ST3GAL3: variants seen among roughly 807,000 people sequenced by gnomAD.
ST3GAL3 encodes the protein ST3 beta-galactoside alpha-2,3-sialyltransferase 3.
A neutral mutation model predicts 50.1 loss-of-function variants in ST3GAL3; 21 were observed. The observed-to-expected ratio is 0.42, with a 90% CI of 0.30 to 0.60. The LOEUF is 0.60. ST3GAL3 is among the 20% of genes least tolerant of loss of function. The pLI is 0.19. For missense variants in ST3GAL3, 353 were observed against 489.4 expected, an observed-to-expected ratio of 0.72 and a Z score of 2.63; for synonymous variants, 183 against 190.0, an observed-to-expected ratio of 0.96 and a Z score of 0.30.
At chr1:43,871,059 C>T (rs902096925) in intron 5 of ST3GAL3, among the ~76,000 whole-genome samples, 16 of 152,172 alleles carry the variant, frequency 1.1e-4, no homozygotes, top group African/African-American at 3.4e-4. Context: ...ACCCTCTGTT[C>T]CTGAAGTGAG....
chr1:43,751,760 G>A (rs574389235), intron 2 of ST3GAL3, among the ~76,000 whole-genome samples: 2 of 152,238 alleles, frequency 1.3e-5, no homozygotes, highest in East Asian at 3.9e-4. Context: ...ATATAGGCCT[G>A]TCCTACTCTC....
chr1:43,794,388 A>G (rs1479775220), intron 3 of ST3GAL3, among the ~76,000 whole-genome samples: 1 of 152,234 alleles, frequency 6.6e-6, no homozygotes, highest in Non-Finnish European at 1.5e-5. Context: ...CCAAATGGCA[A>G]AACTTGAAAA....
chr1:43,744,010 T>C (rs1045827624), intron 2 of ST3GAL3, among the ~76,000 whole-genome samples: 1 of 152,226 alleles, frequency 6.6e-6, no homozygotes, highest in Non-Finnish European at 1.5e-5. Flanking sequence ...TCTCCATTAG[T>C]GGCATGCTTA....
chr1:43,756,444 C>A (rs932734061), intron 2 of ST3GAL3, among the ~76,000 whole-genome samples: 1 of 151,994 alleles, frequency 6.6e-6, no homozygotes, highest in Admixed American at 6.6e-5. Context: ...TAAATTGATG[C>A]AGTTTATTAT....
intron 3 of ST3GAL3, among the ~76,000 whole-genome samples, chr1:43,809,071 CACA>C (rs1194371239): frequency 6.6e-6 from 1 of 152,000 alleles, no homozygotes; most frequent in African/African-American, 2.4e-5. Flanking sequence ...AGGTAAAATT[CACA>C]TGGTTGGCAG....
At chr1:43,789,215 T>A (rs1414498695) in intron 2 of ST3GAL3, among the ~76,000 whole-genome samples, 4 of 152,126 alleles carry the variant, frequency 2.6e-5, no homozygotes, top group Non-Finnish European at 4.4e-5. Flanking sequence ...ATGGGCTATG[T>A]TGGAGGCAGA....
chr1:43,805,842 TCTC>T (rs1470032492), intron 3 of ST3GAL3, among the ~76,000 whole-genome samples: 1 of 152,132 alleles, frequency 6.6e-6, no homozygotes, highest in Non-Finnish European at 1.5e-5. Flanking sequence ...TTCAGGCAGT[TCTC>T]CTGCCTCAGC....
intron 1 of ST3GAL3, among the ~76,000 whole-genome samples, chr1:43,711,719 G>A (rs1011965334): frequency 1.3e-5 from 2 of 152,194 alleles, no homozygotes; most frequent in African/African-American, 4.8e-5. Flanking sequence ...TTACATCCGA[G>A]TTATGACACA....
At chr1:43,732,033 G>A (rs1192035600) in intron 1 of ST3GAL3, among the ~76,000 whole-genome samples, 1 of 152,090 alleles carries the variant, frequency 6.6e-6, no homozygotes, top group African/African-American at 2.4e-5. Context: ...GCCAGTATGG[G>A]GCCATATATG....
At chr1:43,747,480 A>G (rs1334181290) in intron 2 of ST3GAL3, among the ~76,000 whole-genome samples, 4 of 151,288 alleles carry the variant, frequency 2.6e-5, no homozygotes, top group African/African-American at 9.7e-5. Flanking sequence ...CAGGGCTTCC[A>G]TGCTGTCTCC....
rs551718399 is a variant in ST3GAL3, at chr1:43,840,297, G to A, written c.302+1986G>A. The stretch of plus-strand genomic sequence containing the variant: ...CCACCTTGGCCTCCCAAAGTGCTGG[G>A]ATTACAAGTTTGAGCCACTGAGCCT... On this transcript the variant is annotated intron_variant, in intron 5 of 11. Transcript: ENST00000347631. 4 of 152,266 alleles carry A rather than the reference G, an allele frequency of 2.6e-5. No homozygotes were observed. In the South Asian group the frequency reaches 8.3e-4, roughly 32 times the overall value. The allele number at this position is 152,266 out of a possible 1,614,324, so 9.4% of individuals were successfully genotyped here. A position where few individuals can be genotyped will look rare whatever the true frequency, so the allele number is the denominator to read the frequency against.
At chr1:43,898,868 G>C (rs2077790485) in intron 7 of ST3GAL3, among the ~76,000 whole-genome samples, 1 of 152,108 alleles carries the variant, frequency 6.6e-6, no homozygotes, top group Admixed American at 6.5e-5. Context: ...CTTTACCCTA[G>C]AATGTCATCT....
chr1:43,889,211 C>CACAA (rs1407498396), intron 5 of ST3GAL3, among the ~76,000 whole-genome samples: 1 of 151,402 alleles, frequency 6.6e-6, no homozygotes, highest in Non-Finnish European at 1.5e-5. Flanking sequence ...AATACACACA[C>CACAA]ACACACACAC....
At chr1:43,793,220 TA>T (rs1027259389) in intron 3 of ST3GAL3, among the ~76,000 whole-genome samples, 8 of 152,244 alleles carry the variant, frequency 5.3e-5, no homozygotes, top group South Asian at 2.1e-4. Flanking sequence ...TTTTTATTTT[TA>T]TTTTTTTTAT....
At chr1:43,853,619 G>A (rs2067776229) in intron 5 of ST3GAL3, among the ~76,000 whole-genome samples, 1 of 152,234 alleles carries the variant, frequency 6.6e-6, no homozygotes, top group Non-Finnish European at 1.5e-5. Context: ...TAGCTAATGA[G>A]GTGCTGATGT....
At chr1:43,742,310 C>A (rs1013297567) in intron 2 of ST3GAL3, among the ~76,000 whole-genome samples, 1 of 152,114 alleles carries the variant, frequency 6.6e-6, no homozygotes, top group Non-Finnish European at 1.5e-5. Context: ...ACCGTAGACC[C>A]GCCCTAACAA....
chr1:43,792,774 A>T (rs1277085995), intron 3 of ST3GAL3, among the ~76,000 whole-genome samples: 3 of 152,164 alleles, frequency 2.0e-5, no homozygotes, highest in Non-Finnish European at 4.4e-5. Flanking sequence ...TGGCTCTGCC[A>T]TGTCTAGGGC....
At chr1:43,715,607 T>C (rs1297969135) in intron 1 of ST3GAL3, among the ~76,000 whole-genome samples, 5 of 148,874 alleles carry the variant, frequency 3.4e-5, no homozygotes, top group Non-Finnish European at 7.4e-5. Flanking sequence ...CTGGGTAACA[T>C]AGTGAGACTA....
chr1:43,921,300 TCTC>T (rs1242836381), intron 11 of ST3GAL3: 3 of 514,730 alleles, frequency 5.8e-6, no homozygotes, highest in Non-Finnish European at 1.0e-5. Flanking sequence ...TCTCAGGACT[TCTC>T]CATATCTCTT....
Sources: allele counts gnomAD v4.1 joint callset (sites outside exome capture counted in the v4.1 genomes callset), GRCh38; gene constraint gnomAD v4.1.1; transcripts MANE v1.5; gene names NCBI Gene and HGNC (gene_info 2026-07-23, HGNC 2026-07-21).